Variants in ETAA1 observed in about 807,000 individuals in gnomAD.
ETAA1 encodes the protein ETAA1 activator of ATR kinase.
Under a neutral mutation model 76.8 loss-of-function variants are expected in ETAA1, and 49 were observed. The ratio of observed to expected loss-of-function variants is 0.64; its 90% CI spans 0.51 to 0.81. ETAA1 has a LOEUF of 0.81. Among genes scored for constraint, ETAA1 ranks in the 30% least tolerant of loss-of-function variants. The pLI, the probability that ETAA1 is intolerant of heterozygous loss-of-function variation, is 0.00. For synonymous variants in ETAA1, 373 were observed against 372.2 expected (o/e 1.00, Z -0.03); for missense variants, 1,099 against 1,074.0 (o/e 1.02, Z -0.32).
chr2:67,405,168 C>A lies in ETAA1; in HGVS notation c.2486C>A (p.Ser829Tyr). The A allele has an allele frequency of 1.2e-6, 2 of 1,612,256 alleles. No homozygotes were observed. Among genetic ancestry groups the A allele is most frequent in the Non-Finnish European group, 1.7e-6 (2 of 1,179,102 alleles). The change falls in exon 5 of 6, where the codon TCT becomes TAT. Residue 829 changes from serine to tyrosine, a missense_variant. Ser to Tyr is a moderately radical substitution (Grantham distance 144). This residue lies in a region of ETAA1 where 302 missense variants were observed against 278.1 expected (regional missense o/e 1.09). Coordinates refer to ENST00000272342, the MANE Select transcript of ETAA1 (RefSeq NM_019002.4). Reference protein sequence around the residue: ...SKFTFTRMKNSQILSQFNQNC... With the variant: ...SKFTFTRMKNYQILSQFNQNC... Reference sequence around the variant, plus strand: ...TTTACATTTACAAGGATGAAAAATTCTCAGATTCTTTCTCAGTTTAATCAA... The same window carrying A: ...TTTACATTTACAAGGATGAAAAATTATCAGATTCTTTCTCAGTTTAATCAA...
Position 67,404,891 on chromosome 2 carries a change from A to C in ETAA1, c.2209A>C (p.Thr737Pro), listed in dbSNP as rs1481566567. ...AAGATTTTTAGGTGCCACAAATTTG[A>C]CTATGTATTCTAAGATCTCAAACTG... is the stretch of plus-strand genomic sequence containing the variant. Reference protein sequence around the residue: ...SPRFLGATNLTMYSKISNCQI... With the variant: ...SPRFLGATNLPMYSKISNCQI... The change falls in exon 5 of 6, where the codon ACT (threonine) becomes CCT (proline). Residue 737 changes from threonine to proline, a missense_variant. Physicochemically the swap from Thr to Pro is conservative, Grantham distance 38. This residue lies in a region of ETAA1 where 302 missense variants were observed against 278.1 expected (regional missense o/e 1.09). Coordinates refer to ENST00000272342, the MANE Select transcript of ETAA1 (RefSeq NM_019002.4). 6.2e-7 allele frequency: 1 copy of C among 1,613,010 alleles called. No homozygotes were observed. The highest frequency in any genetic ancestry group is 1.7e-5 in the Admixed American group (1 of 59,866).
chr2:67,398,488 A>C (rs1294497807), intron 1 of ETAA1, among the ~76,000 whole-genome samples: 4 of 151,584 alleles, frequency 2.6e-5, no homozygotes, highest in Non-Finnish European at 5.9e-5. Context: ...GGCGTGTGCC[A>C]CCTCGCCCGG....
At chr2:67,408,964 C>CA (rs1336272432) in intron 5 of ETAA1, among the ~76,000 whole-genome samples, 3 of 151,960 alleles carry the variant, frequency 2.0e-5, no homozygotes, top group African/African-American at 4.8e-5. Context: ...AAAATATCTA[C>CA]AGTCTGTTAG....
In ETAA1 at chr2:67,403,384, T is replaced by C; in HGVS notation, c.702T>C (p.Asn234=). 1 of 1,604,430 alleles carries C rather than the reference T, an allele frequency of 6.2e-7. No homozygotes were observed. The part of the protein sequence containing the change: ...ETEILSNYKD[N]IQMWSLHNIV... ...AGATTTTAAGTAATTATAAAGATAA[T>C]ATACAGATGTGGTCATTACATAATA... Residue 234 remains asparagine (N), a synonymous_variant, in exon 5 of 6, where the codon AAT becomes AAC. Transcript: ENST00000272342.
chr2:67,402,795 G>T, intron 3 of ETAA1, 67 bp from the exon 4 acceptor site: 1 of 1,044,306 alleles, frequency 9.6e-7, no homozygotes, highest in African/African-American at 1.7e-5. Flanking sequence ...TCTTTCTTTT[G>T]TTTTTTTGGA....
intron 3 of ETAA1, chr2:67,402,382 T>C (rs1676080002): frequency 2.0e-5 from 3 of 151,880 alleles, no homozygotes; most frequent in African/African-American, 7.2e-5. Flanking sequence ...TGTCCAACTT[T>C]AGATAAAGAT....
Position 67,403,301 on chromosome 2 carries a change from G to A in ETAA1, c.619G>A (p.Val207Met), listed in dbSNP as rs1265549918. The change falls in exon 5 of 6, where the codon GTG (valine) becomes ATG (methionine). Residue 207 changes from valine (V) to methionine (M), a missense_variant. Val to Met is a conservative substitution (Grantham distance 21, BLOSUM62 1). Coordinates refer to ENST00000272342, the MANE Select transcript of ETAA1 (RefSeq NM_019002.4). ...QFDKNMEELDVIQEQNKRNYD... is the reference protein window; with the variant it reads ...QFDKNMEELDMIQEQNKRNYD... ...TGATAAAAATATGGAAGAGCTAGAT[G>A]TGATTCAAGAGCAAAACAAGAGGAA... is the stretch of plus-strand genomic sequence containing the variant. 3 of 1,605,654 alleles carry A rather than the reference G, an allele frequency of 1.9e-6. No homozygotes were observed. Among genetic ancestry groups the A allele is most frequent in the East Asian group, 4.5e-5 (2 of 44,804 alleles).
chr2:67,403,607 A>G lies in ETAA1; in HGVS notation c.925A>G (p.Ser309Gly), dbSNP rs773474602. The change falls in exon 5 of 6, where the codon AGT (serine) becomes GGT (glycine). Residue 309 changes from serine to glycine, a missense_variant. Ser to Gly is a moderately conservative substitution (Grantham distance 56). Coordinates refer to ENST00000272342, the MANE Select transcript of ETAA1 (RefSeq NM_019002.4). The part of the protein sequence containing the change: ...QELPEAFWST[S>G]NTTFVKTNAL... Reference sequence around the variant, plus strand: ...ACTGCCAGAGGCTTTTTGGAGCACCAGTAATACTACCTTTGTAAAGACAAA... The same window carrying G: ...ACTGCCAGAGGCTTTTTGGAGCACCGGTAATACTACCTTTGTAAAGACAAA... The G allele has an allele frequency of 9.9e-6, 16 of 1,613,270 alleles. No individual in the cohort carries two copies. The highest frequency in any genetic ancestry group is 1.4e-5 in the Non-Finnish European group (16 of 1,179,444).
intron 5 of ETAA1, among the ~76,000 whole-genome samples, chr2:67,409,380 T>C (rs1676304392): frequency 6.6e-6 from 1 of 151,996 alleles, no homozygotes; most frequent in African/African-American, 2.4e-5. Context: ...CAGATTTCAT[T>C]TTATCACTCT....
Position 67,397,399 on chromosome 2 carries a change from C to G in ETAA1, c.-50C>G. On this transcript the variant is annotated 5_prime_UTR_variant, in exon 1 of 6. Transcript: ENST00000272342. ...TGTAGTGCTGTTGCCCTACTCATCC[C>G]TTTGCAAAATGTGAAAGAAGAAGCG... 1.3e-6 allele frequency: 2 copies of G among 1,543,660 alleles called. No individual in the cohort carries two copies. Among genetic ancestry groups the G allele is most frequent in the East Asian group, 4.9e-5 (2 of 41,220 alleles).
intron 3 of ETAA1, chr2:67,402,598 A>C (rs912886383): frequency 2.7e-5 from 5 of 183,530 alleles, no homozygotes; most frequent in Non-Finnish European, 1.1e-5. Flanking sequence ...TAATTCTTAA[A>C]ACAATATTTT....
Position 67,403,746 on chromosome 2 carries a change from C to A in ETAA1, c.1064C>A (p.Ser355Ter). 4 of 1,613,394 alleles carry A rather than the reference C, an allele frequency of 2.5e-6. No homozygotes were observed. Among genetic ancestry groups the A allele is most frequent in the East Asian group, 2.2e-5 (1 of 44,852 alleles). The change falls in exon 5 of 6, where the codon TCA becomes TAA. Residue 355 changes from serine to a stop codon, truncating the protein, a stop_gained. Transcript: ENST00000272342. LOFTEE classifies it high-confidence loss of function. ...GTAGATACACCCATAATGACAAAAT[C>A]ATGTGTGACTTCCTGTACTAAGGAG... ...SQVDTPIMTKSCVTSCTKEPE... is the reference protein window; with the variant it reads ...SQVDTPIMTK
chr2:67,407,454 A>C (rs952396552), intron 5 of ETAA1, among the ~76,000 whole-genome samples: 6 of 152,016 alleles, frequency 3.9e-5, no homozygotes, highest in African/African-American at 1.4e-4. Context: ...TAAGTATTTA[A>C]ATTTGTATTA....
chr2:67,398,857 A>T (rs1041361510), intron 1 of ETAA1, among the ~76,000 whole-genome samples: 4 of 152,204 alleles, frequency 2.6e-5, no homozygotes, highest in Admixed American at 1.3e-4. Flanking sequence ...TAAATTACAG[A>T]TGGTTCCCCA....
intron 1 of ETAA1, 130 bp downstream of exon 1, chr2:67,397,801 G>A: frequency 1.1e-6 from 1 of 935,472 alleles, no homozygotes; most frequent in Non-Finnish European, 1.6e-6. Flanking sequence ...CACCCCTCGA[G>A]AGTCCAAAAA....
In ETAA1 at chr2:67,403,379, GATAAT is replaced by G. The variant is rs1317832030; in HGVS notation, c.701_705del (p.Asn234ThrfsTer7). 2 of 1,604,528 alleles carry G rather than the reference GATAAT, an allele frequency of 1.2e-6. No homozygotes were observed. The highest frequency in any genetic ancestry group is 2.7e-5 in the African/African-American group (2 of 74,546). On this transcript the variant is annotated frameshift_variant, in exon 5 of 6. Transcript: ENST00000272342. LOFTEE classifies it high-confidence loss of function. ...AACAGAGATTTTAAGTAATTATAAAGATAATATACAGATGTGGTCATTACATAATA... is the reference window on the plus strand; with the variant it reads ...AACAGAGATTTTAAGTAATTATAAAGATACAGATGTGGTCATTACATAATA...
chr2:67,402,893 A>T lies in ETAA1; in HGVS notation c.461A>T (p.Asp154Val). 6.2e-7 allele frequency: 1 copy of T among 1,602,848 alleles called. No homozygotes were observed. The highest frequency in any genetic ancestry group is 8.5e-7 in the Non-Finnish European group (1 of 1,174,710). Residue 154 changes from aspartate to valine, a missense_variant, in exon 4 of 6, where the codon GAC becomes GTC. Physicochemically the swap from Asp to Val is radical, Grantham distance 152 (BLOSUM62 -3). This residue lies in a region of ETAA1 where 761 missense variants were observed against 731.9 expected (regional missense o/e 1.04). Transcript: ENST00000272342. ...DEKPTTNSML[D>V]MWIGETAIPC... ...AAACCAACAACAAATTCTATGCTGG[A>T]CATGTGGATTGGTGAAACTGCTATT...
Position 67,410,206 on chromosome 2 carries a change from C to A in ETAA1, c.*168C>A. 1.6e-6 allele frequency: 1 copy of A among 643,106 alleles called. No individual in the cohort carries two copies. The allele number at this position is 643,106 out of a possible 1,614,324, so 39.8% of individuals were successfully genotyped here. On this transcript the variant is annotated 3_prime_UTR_variant, in exon 6 of 6. Transcript: ENST00000272342. ...GTTTGCAATGGTAAATGAAACATTT[C>A]CTTGGACATGTATTTGAAAGTCATT...
At chr2:67,398,006 T>A (rs1408803723) in intron 1 of ETAA1, among the ~76,000 whole-genome samples, 1 of 152,232 alleles carries the variant, frequency 6.6e-6, no homozygotes, top group Non-Finnish European at 1.5e-5. Context: ...ATAGGCCCGC[T>A]AACCTCAGTT....
Sources: gnomAD v4.1 joint callset for allele counts (sites outside exome capture counted in the v4.1 genomes callset) on GRCh38, gnomAD v4.1.1 for gene constraint, gnomAD v4.1.1 regional missense constraint, MANE v1.5 for transcripts, NCBI Gene and HGNC (gene_info 2026-07-23, HGNC 2026-07-21) for gene names.